BARD1: variants seen among roughly 807,000 people sequenced by gnomAD.
The protein encoded by BARD1 is BRCA1-associated RING domain protein 1.
Under a neutral mutation model 77.0 loss-of-function variants are expected in BARD1, and 73 were observed. The ratio of observed to expected loss-of-function variants is 0.95; its 90% confidence interval spans 0.79 to 1.15. The LOEUF is 1.15. Ranked by LOEUF, BARD1 falls within the 50% of genes most tolerant of loss-of-function variation. The pLI, the probability that BARD1 is intolerant of heterozygous loss-of-function variation, is 0.00. For synonymous variants in BARD1, 384 were observed against 338.0 expected, an observed-to-expected ratio of 1.14 and a Z score of -1.49; for missense variants, 993 against 938.8, an observed-to-expected ratio of 1.06 and a Z score of -0.75.
intron 8 of BARD1, among the ~76,000 whole-genome samples, chr2:214,745,493 C>T (rs994474705): frequency 2.6e-5 from 4 of 152,156 alleles, no homozygotes; most frequent in Non-Finnish European, 4.4e-5. Context: ...TTCTGAAATA[C>T]TGTCTTGTCC....
At position 214,792,458 on chromosome 2, in the gene BARD1, TAA is replaced by T. The variant is rs56130510; in HGVS notation, c.216-15_216-14del. On this transcript the variant is annotated splice_polypyrimidine_tract_variant and intron_variant, in intron 2 of 10. Transcript: ENST00000260947. The stretch of plus-strand genomic sequence containing the variant: ...ACTTACACAATTACTTTAAAATAAT[TAA>T]AAAAAAAAAAAAAAGCAACCCATTC... 0.084 allele frequency: 114,070 copies of T among 1,359,760 alleles called. 507 individuals carry two copies. Among genetic ancestry groups the T allele is most frequent in the Admixed American group, 0.11 (4,120 of 36,498 alleles). 84.2% of individuals were successfully genotyped at this position (1,359,760 alleles called of 1,614,324 possible).
intron 4 of BARD1, among the ~76,000 whole-genome samples, chr2:214,772,388 GA>G (rs1188096727): frequency 2.0e-5 from 3 of 151,874 alleles, no homozygotes; most frequent in Non-Finnish European, 2.9e-5. Flanking sequence ...TCTTTAACAT[GA>G]AAGTACTCAC....
chr2:214,785,954 GA>G (rs1431918841), intron 3 of BARD1, among the ~76,000 whole-genome samples: 1 of 151,888 alleles, frequency 6.6e-6, no homozygotes, highest in Non-Finnish European at 1.5e-5. Context: ...GAAAAAGAGA[GA>G]AAAAGAAACT....
rs28997576 is a variant in BARD1, at chr2:214,752,454, C to A, written c.1670G>T (p.Cys557Phe). 1 of 1,606,484 alleles carries A rather than the reference C, an allele frequency of 6.2e-7. No homozygotes were observed. The change falls in exon 7 of 11, where the codon TGC becomes TTC. Residue 557 changes from cysteine to phenylalanine, a missense_variant. Cys to Phe is a radical substitution (Grantham distance 205). Coordinates refer to ENST00000260947, the MANE Select transcript of BARD1 (RefSeq NM_000465.4). ...AGCTAAATCCATACTTACTACTGAG[C>A]AGTGGCTAGCTGAGGATGATTCATT... ...EKNESSSASH[C>F]SVMNTGQRRD...
At chr2:214,792,129 T>A (rs578217871) in intron 3 of BARD1, among the ~76,000 whole-genome samples, 168 bp downstream of exon 3, 34 of 141,018 alleles carry the variant, frequency 2.4e-4, no homozygotes, top group African/African-American at 8.0e-4. Flanking sequence ...TTGGACAACA[T>A]AGAGAGACTC....
At chr2:214,807,098 G>A (rs1009554288) in intron 1 of BARD1, among the ~76,000 whole-genome samples, 5 of 151,778 alleles carry the variant, frequency 3.3e-5, no homozygotes, top group Non-Finnish European at 5.9e-5. Context: ...AACTATTTGC[G>A]GGCAGAAAGG....
At chr2:214,778,029 C>G (rs1180110827) in intron 4 of BARD1, among the ~76,000 whole-genome samples, 3 of 152,062 alleles carry the variant, frequency 2.0e-5, no homozygotes, top group Admixed American at 2.0e-4. Context: ...AACTCCGTCT[C>G]TACTAAAAAT....
intron 1 of BARD1, among the ~76,000 whole-genome samples, chr2:214,805,094 G>C (rs1043889137): frequency 6.6e-6 from 1 of 152,038 alleles, no homozygotes; most frequent in Non-Finnish European, 1.5e-5. Flanking sequence ...CTGGCAGGCG[G>C]AGGTTGCAGT....
At chr2:214,792,166 A>C (rs1695545158) in intron 3 of BARD1, 131 bp downstream of exon 3, 4 of 983,414 alleles carry the variant, frequency 4.1e-6, no homozygotes, top group East Asian at 5.5e-5. Context: ...AAAAAAAAAA[A>C]AACCTACAGA....
intron 4 of BARD1, among the ~76,000 whole-genome samples, chr2:214,775,644 A>C (rs1694704996): frequency 6.6e-6 from 1 of 152,222 alleles, no homozygotes; most frequent in African/African-American, 2.4e-5. Flanking sequence ...TTGCCAAAAA[A>C]CACAAAAACA....
At position 214,728,763 on chromosome 2, in the gene BARD1, C is replaced by A. The variant is rs1057520455; in HGVS notation, c.2247G>T (p.Arg749Ser). 1.2e-6 allele frequency: 2 copies of A among 1,614,176 alleles called. No homozygotes were observed. Among genetic ancestry groups the A allele is most frequent in the Non-Finnish European group, 1.7e-6 (2 of 1,180,020 alleles). ...CCTTCCAGACTTTGCCCTGCCGAAC[C>A]CTCTCTGGGTGATAATTACACAAAT... is the stretch of plus-strand genomic sequence containing the variant. Reference protein sequence around the residue: ...YEDLCNYHPERVRQGKVWKAP... With the variant: ...YEDLCNYHPESVRQGKVWKAP... The change falls in exon 11 of 11, where the codon AGG becomes AGT. Residue 749 changes from arginine (R) to serine (S), a missense_variant. Physicochemically the swap from Arg to Ser is moderately radical, Grantham distance 110. Coordinates refer to ENST00000260947, the MANE Select transcript of BARD1 (RefSeq NM_000465.4).
At chr2:214,796,849 C>G in intron 2 of BARD1, 3 of 569,018 alleles carry the variant, frequency 5.3e-6, no homozygotes, top group Admixed American at 3.1e-5. Context: ...AGCTTTGTAA[C>G]TTGGACAAGT....
At chr2:214,796,099 T>C (rs1381850673) in intron 2 of BARD1, among the ~76,000 whole-genome samples, 4 of 152,194 alleles carry the variant, frequency 2.6e-5, no homozygotes, top group Non-Finnish European at 5.9e-5. Context: ...TAACTGGAAA[T>C]AATTAAAAGA....
chr2:214,778,222 G>GA lies in BARD1; in HGVS notation c.1314+2337dup, dbSNP rs1191127373. Among the ~76,000 whole-genome samples the GA allele has an allele frequency of 3.2e-5, 4 of 126,818 alleles. No individual in the cohort carries two copies. The East Asian group carries it at 9.1e-4, about 29-fold the overall frequency. 83.2% of individuals were successfully genotyped at this position (126,818 alleles called of 152,430 possible). On this transcript the variant is annotated intron_variant, in intron 4 of 10. Coordinates refer to ENST00000260947, the MANE Select transcript of BARD1 (RefSeq NM_000465.4). ...CGCCCCTCCCCCCACCCCCAAAAAA[G>GA]AAAAAAATATATAAATATATTTATA...
At chr2:214,767,018 C>T (rs1694233964) in intron 6 of BARD1, among the ~76,000 whole-genome samples, 1 of 152,040 alleles carries the variant, frequency 6.6e-6, no homozygotes, top group South Asian at 2.1e-4. Flanking sequence ...TTGTTCCCTT[C>T]TTTGTGTTCA....
intron 4 of BARD1, among the ~76,000 whole-genome samples, chr2:214,777,442 T>G (rs1005645107): frequency 2.0e-5 from 3 of 152,198 alleles, no homozygotes; most frequent in Non-Finnish European, 4.4e-5. Context: ...TTCTCTGCCC[T>G]CGGTGCATAC....
intron 3 of BARD1, 113 bp from the exon 4 acceptor site, chr2:214,781,622 T>C (rs1018172368): frequency 2.5e-6 from 2 of 786,652 alleles, no homozygotes; most frequent in Admixed American, 5.2e-5. Flanking sequence ...TTTAATTATG[T>C]ACTTCTTTCT....
intron 3 of BARD1, among the ~76,000 whole-genome samples, chr2:214,789,568 T>C (rs1167058685): frequency 6.6e-6 from 1 of 151,960 alleles, no homozygotes; most frequent in Admixed American, 6.6e-5. Flanking sequence ...AAATAAATAA[T>C]TTTAATTAAG....
intron 10 of BARD1, 140 bp from the exon 11 acceptor site, chr2:214,729,148 A>C (rs1445118111): frequency 9.2e-7 from 1 of 1,083,244 alleles, no homozygotes; most frequent in Non-Finnish European, 1.3e-6. Flanking sequence ...TCAGATTCAT[A>C]AATTTTTTGG....
Sources: gnomAD v4.1 joint callset for allele counts (sites outside exome capture counted in the v4.1 genomes callset) on GRCh38, gnomAD v4.1.1 for gene constraint, MANE v1.5 for transcripts, NCBI Gene and HGNC (gene_info 2026-07-23, HGNC 2026-07-21) for gene names.